The following PGM5 variants were observed in gnomAD, a reference collection of about 807,000 sequenced individuals.
PGM5 encodes the protein phosphoglucomutase 5.
Under a neutral mutation model 59.2 loss-of-function variants are expected in PGM5, and 23 were observed. The observed-to-expected ratio is 0.39, with a 90% CI of 0.28 to 0.55. The LOEUF is 0.55. PGM5 is among the 20% of genes least tolerant of loss of function. The pLI is 0.66. For synonymous variants in PGM5, 214 were observed against 286.0 expected (o/e 0.75, Z 2.54); for missense variants, 574 against 748.3 (o/e 0.77, Z 2.72).
intron 1 of PGM5, among the ~76,000 whole-genome samples, chr9:68,369,954 C>T (rs1834753062): frequency 6.6e-6 from 1 of 152,174 alleles, no homozygotes; most frequent in Admixed American, 6.5e-5. Context: ...TATCCGTCAC[C>T]TGTTTACCCA....
At chr9:68,485,157 A>G (rs558737066) in intron 9 of PGM5, among the ~76,000 whole-genome samples, 1 of 152,206 alleles carries the variant, frequency 6.6e-6, no homozygotes, top group African/African-American at 2.4e-5. Context: ...TATCTTCCTC[A>G]GTGTACTCAG....
chr9:68,383,250 A>T (rs1340444977), intron 2 of PGM5, among the ~76,000 whole-genome samples: 1 of 152,046 alleles, frequency 6.6e-6, no homozygotes, highest in African/African-American at 2.4e-5. Context: ...ACAGAAAAAT[A>T]TTGTGAGTCA....
At position 68,437,051 on chromosome 9, in the gene PGM5, C is replaced by T. The variant is rs185978742; in HGVS notation, c.1044-28042C>T. Among the ~76,000 whole-genome samples, 1 of 152,238 alleles carries T rather than the reference C, an allele frequency of 6.6e-6. No homozygotes were observed. Among genetic ancestry groups the T allele is most frequent in the East Asian group, 1.9e-4 (1 of 5,190 alleles). On this transcript the variant is annotated intron_variant, in intron 6 of 10. Coordinates refer to ENST00000396396, the MANE Select transcript of PGM5 (RefSeq NM_021965.4). This position sits in a 1 kb window ranked among gnomAD's most constrained non-coding sequence, Gnocchi z 4.1. ...TATGCATAGCTAACTCCTGAGTTTC[C>T]ATTATTGATAATAATTAAGAACTGG...
At chr9:68,475,184 ATTTTTTTTT>A (rs782687667) in intron 7 of PGM5, among the ~76,000 whole-genome samples, 1 of 112,780 alleles carries the variant, frequency 8.9e-6, no homozygotes, top group Non-Finnish European at 1.7e-5. Context: ...TGCCTGGCTA[ATTTTTTTTT>A]TTTTTTTTTT....
intron 6 of PGM5, among the ~76,000 whole-genome samples, chr9:68,425,589 T>A (rs1480984484): frequency 1.3e-5 from 2 of 152,214 alleles, no homozygotes; most frequent in Non-Finnish European, 2.9e-5. Context: ...CTAAGCATTA[T>A]CCTATTTTGG....
At chr9:68,446,956 G>A (rs1166423551) in intron 6 of PGM5, among the ~76,000 whole-genome samples, 1 of 152,170 alleles carries the variant, frequency 6.6e-6, no homozygotes, top group Non-Finnish European at 1.5e-5. Context: ...ACCTTATAAG[G>A]GGGAAGAGTG....
chr9:68,400,359 G>A (rs1822634063), intron 6 of PGM5, among the ~76,000 whole-genome samples: 1 of 152,136 alleles, frequency 6.6e-6, no homozygotes, highest in Non-Finnish European at 1.5e-5. Context: ...GCTGCTTACA[G>A]TTTCCCAAAT....
chr9:68,373,185 C>A (rs375293), intron 1 of PGM5, among the ~76,000 whole-genome samples: 31,192 of 96,182 alleles, frequency 0.32, 6,192 homozygotes, highest in Admixed American at 0.37. Flanking sequence ...AAGGGACACA[C>A]ATATCTTCAC....
At chr9:68,449,908 C>T (rs956040156) in intron 6 of PGM5, among the ~76,000 whole-genome samples, 1 of 152,154 alleles carries the variant, frequency 6.6e-6, no homozygotes, top group Non-Finnish European at 1.5e-5. Flanking sequence ...GAGATGCTTA[C>T]AGCTATGGGG....
At chr9:68,468,752 G>C (rs1928254) in intron 7 of PGM5, among the ~76,000 whole-genome samples, 29,962 of 151,938 alleles carry the variant, frequency 0.2, 2,939 homozygotes, top group Admixed American at 0.22. Context: ...TTTAATCTAC[G>C]TTTCTCTTCT....
chr9:68,403,761 C>T (rs1426738413), intron 6 of PGM5, among the ~76,000 whole-genome samples: 2 of 151,258 alleles, frequency 1.3e-5, no homozygotes, highest in African/African-American at 2.4e-5. Context: ...GAAAGTCATT[C>T]GTGTGGGTTG....
intron 1 of PGM5, among the ~76,000 whole-genome samples, chr9:68,377,560 G>A (rs1821953843): frequency 6.6e-6 from 1 of 152,174 alleles, no homozygotes; most frequent in Non-Finnish European, 1.5e-5. Flanking sequence ...AGTCAGTTTT[G>A]TAGCTCTGGA....
At chr9:68,392,079 T>C (rs1822379139) in intron 5 of PGM5, among the ~76,000 whole-genome samples, 3 of 152,070 alleles carry the variant, frequency 2.0e-5, no homozygotes, top group Non-Finnish European at 4.4e-5. Context: ...GAGTTAGGTA[T>C]TTGGGGACTT....
At chr9:68,357,557 C>T (rs1322797524) in intron 1 of PGM5, among the ~76,000 whole-genome samples, 169 bp downstream of exon 1, 1 of 152,210 alleles carries the variant, frequency 6.6e-6, no homozygotes, top group Non-Finnish European at 1.5e-5. Context: ...GCCGCGCTCG[C>T]AGCCTCCCCG....
intron 10 of PGM5, among the ~76,000 whole-genome samples, chr9:68,517,897 C>T (rs1022756964): frequency 1.4e-4 from 21 of 152,216 alleles, no homozygotes; most frequent in African/African-American, 4.8e-4. Flanking sequence ...AGGGTTGGCA[C>T]TCAGGAAAAT....
At chr9:68,379,921 A>G (rs1462002740) in intron 2 of PGM5, among the ~76,000 whole-genome samples, 1 of 152,030 alleles carries the variant, frequency 6.6e-6, no homozygotes, top group Non-Finnish European at 1.5e-5. Context: ...GTAAACATAT[A>G]TGCATCCAAC....
In PGM5 at chr9:68,357,598, C is replaced by A. The variant is rs1587765360; in HGVS notation, c.261+210C>A. On this transcript the variant is annotated intron_variant, in intron 1 of 10. Coordinates refer to ENST00000396396, the MANE Select transcript of PGM5 (RefSeq NM_021965.4). ...CCCCGGACACTGGGTTCTATTAGTA[C>A]CCACCGCCCCCAAAAGCCTTGAGGG... 1.3e-5 allele frequency: 10 copies of A among 742,546 alleles called. No individual in the cohort carries two copies. In the Admixed American group the frequency reaches 2.1e-4, roughly 16 times the overall value. 46.0% of individuals were successfully genotyped at this position (742,546 alleles called of 1,614,324 possible).
intron 9 of PGM5, 144 bp downstream of exon 9, chr9:68,484,192 T>C (rs2132093153): frequency 1.4e-6 from 1 of 694,554 alleles, no homozygotes; most frequent in Non-Finnish European, 2.4e-6. Flanking sequence ...AGGAAAGCCC[T>C]TGATGAAGGA....
chr9:68,397,070 A>C (rs541519274), intron 6 of PGM5: 47 of 152,820 alleles, frequency 3.1e-4, no homozygotes, highest in African/African-American at 1.1e-3. Context: ...CAAGGATTCC[A>C]TTTAGCCCAG....
Sources: gnomAD v4.1 joint callset for allele counts (sites outside exome capture counted in the v4.1 genomes callset) on GRCh38, gnomAD v4.1.1 for gene constraint, Gnocchi (gnomAD v3.1) non-coding constraint, MANE v1.5 for transcripts, NCBI Gene and HGNC (gene_info 2026-07-23, HGNC 2026-07-21) for gene names.